The following APBB2 variants were observed in gnomAD, a reference collection of about 807,000 sequenced individuals.
The protein encoded by APBB2 is Fe65-like 1.
Under a neutral mutation model 82.5 loss-of-function variants are expected in APBB2, and 38 were observed. The ratio of observed to expected loss-of-function variants is 0.46; its 90% confidence interval spans 0.36 to 0.60. APBB2 has a LOEUF of 0.60. APBB2 is among the 20% of genes least tolerant of loss of function. The pLI, the probability that APBB2 is intolerant of heterozygous loss-of-function variation, is 0.00. For missense variants in APBB2, 772 were observed against 972.3 expected (o/e 0.79, Z 2.74); for synonymous variants, 341 against 368.2 (o/e 0.93, Z 0.85).
intron 6 of APBB2, among the ~76,000 whole-genome samples, chr4:40,960,736 C>T (rs752871600): frequency 7.2e-5 from 11 of 152,028 alleles, no homozygotes; most frequent in Non-Finnish European, 1.5e-4. Context: ...TGTGAGCCAC[C>T]GTGCCCCGCC....
intron 1 of APBB2, among the ~76,000 whole-genome samples, chr4:41,196,158 C>CAAA: frequency 1.4e-5 from 2 of 143,836 alleles, no homozygotes; most frequent in African/African-American, 5.1e-5. Flanking sequence ...GACTCCGTCT[C>CAAA]AAAAAAAAAA....
At chr4:41,027,269 G>C (rs1309421585) in intron 5 of APBB2, among the ~76,000 whole-genome samples, 1 of 151,290 alleles carries the variant, frequency 6.6e-6, no homozygotes, top group African/African-American at 2.4e-5. Flanking sequence ...ATTTTCAATT[G>C]TCTTGGGTGT....
chr4:40,948,262 C>T (rs1228590513), intron 6 of APBB2, among the ~76,000 whole-genome samples: 1 of 152,148 alleles, frequency 6.6e-6, no homozygotes, highest in African/African-American at 2.4e-5. Flanking sequence ...ACCTTCATAG[C>T]CCAATCTGCT....
At chr4:40,976,236 ATTAT>A (rs1797140325) in intron 6 of APBB2, among the ~76,000 whole-genome samples, 1 of 152,204 alleles carries the variant, frequency 6.6e-6, no homozygotes, top group Non-Finnish European at 1.5e-5. Context: ...ATTTCAAATT[ATTAT>A]TTAGACATGA....
chr4:40,989,415 A>C (rs1352908554), intron 6 of APBB2, among the ~76,000 whole-genome samples: 1 of 152,146 alleles, frequency 6.6e-6, no homozygotes. Context: ...TGCCTCCCAA[A>C]ATTATGGGCT....
At chr4:40,920,883 A>C (rs1463428777) in intron 10 of APBB2, among the ~76,000 whole-genome samples, 1 of 151,720 alleles carries the variant, frequency 6.6e-6, no homozygotes, top group Non-Finnish European at 1.5e-5. Context: ...TAAACACAAA[A>C]CAAAAAACAA....
chr4:41,081,795 G>C (rs1354695938), intron 3 of APBB2, among the ~76,000 whole-genome samples: 1 of 152,134 alleles, frequency 6.6e-6, no homozygotes, highest in Non-Finnish European at 1.5e-5. Context: ...AAACAAATAT[G>C]ACAAGACAGA....
intron 2 of APBB2, among the ~76,000 whole-genome samples, chr4:41,102,791 G>A (rs914272652): frequency 1.3e-5 from 2 of 152,152 alleles, no homozygotes; most frequent in East Asian, 1.9e-4. Flanking sequence ...GGACTTTTTC[G>A]AGTTGAAGTA....
chr4:41,088,459 G>A (rs755028147), intron 3 of APBB2, among the ~76,000 whole-genome samples: 2 of 152,192 alleles, frequency 1.3e-5, no homozygotes, highest in Non-Finnish European at 2.9e-5. Context: ...GCAGCCCTGT[G>A]GAAAGGGGTT....
intron 7 of APBB2, among the ~76,000 whole-genome samples, chr4:40,940,031 C>A (rs750705339): frequency 1.3e-5 from 2 of 152,158 alleles, no homozygotes; most frequent in Non-Finnish European, 2.9e-5. Context: ...GGCTATGCAG[C>A]TGATTTATTT....
At chr4:40,966,290 T>A (rs914863942) in intron 6 of APBB2, among the ~76,000 whole-genome samples, 2 of 152,234 alleles carry the variant, frequency 1.3e-5, no homozygotes, top group Non-Finnish European at 2.9e-5. Context: ...GCCACACTCT[T>A]TTATGACAAG....
intron 1 of APBB2, among the ~76,000 whole-genome samples, chr4:41,191,006 C>T (rs78852050): frequency 0.02 from 3,054 of 152,272 alleles, 51 homozygotes; most frequent in Non-Finnish European, 0.032. Flanking sequence ...TGCTTTGAGA[C>T]CCAACCTGAT....
chr4:41,030,940 T>C (rs1313393924), intron 5 of APBB2, among the ~76,000 whole-genome samples: 1 of 152,048 alleles, frequency 6.6e-6, no homozygotes, highest in Non-Finnish European at 1.5e-5. Flanking sequence ...TTCTGGTATG[T>C]TTGGCAGGGC....
chr4:41,179,674 G>A (rs2154061551), intron 1 of APBB2, among the ~76,000 whole-genome samples: 1 of 152,274 alleles, frequency 6.6e-6, no homozygotes, highest in Middle Eastern at 3.4e-3. Context: ...GCTGGTACAA[G>A]AAATGTAATG....
At chr4:41,192,385 A>G (rs1774700212) in intron 1 of APBB2, among the ~76,000 whole-genome samples, 1 of 152,196 alleles carries the variant, frequency 6.6e-6, no homozygotes, top group African/African-American at 2.4e-5. Flanking sequence ...TACGGAAACA[A>G]CCTAAGTGTC....
intron 6 of APBB2, among the ~76,000 whole-genome samples, chr4:41,009,456 G>T (rs1807708252): frequency 1.3e-5 from 2 of 152,148 alleles, no homozygotes; most frequent in Admixed American, 6.5e-5. Flanking sequence ...TGTACAAAAA[G>T]AAGTTACTAA....
At chr4:40,838,557 G>A (rs946907666) in intron 12 of APBB2, among the ~76,000 whole-genome samples, 5 of 152,052 alleles carry the variant, frequency 3.3e-5, no homozygotes, top group Non-Finnish European at 7.4e-5. Context: ...GTATGGTCTC[G>A]ATCTCCTGAC....
chr4:41,148,478 G>A (rs1239771105), intron 1 of APBB2, among the ~76,000 whole-genome samples: 1 of 152,256 alleles, frequency 6.6e-6, no homozygotes, highest in Admixed American at 6.5e-5. Context: ...AAACTATAAA[G>A]CACTATATTC....
chr4:40,812,767 G>C lies in APBB2; in HGVS notation c.*3325C>G, dbSNP rs923813543. 19 of 152,290 alleles carry C rather than the reference G, an allele frequency of 1.2e-4. No individual in the cohort carries two copies. The highest frequency in any genetic ancestry group is 9.8e-4 in the Admixed American group (15 of 15,300). 9.4% of individuals were successfully genotyped at this position (152,290 alleles called of 1,614,324 possible). A position where few individuals can be genotyped will look rare whatever the true frequency, so the allele number is the denominator to read the frequency against. ...CATAAAGTGGATTTAAAAAGAAGTA[G>C]CAGTGCCACAGTTTATCACCAAGAA... On this transcript the variant is annotated 3_prime_UTR_variant, in exon 18 of 18. Transcript: ENST00000508593.
Sources: allele counts gnomAD v4.1 joint callset (sites outside exome capture counted in the v4.1 genomes callset), GRCh38; gene constraint gnomAD v4.1.1; transcripts MANE v1.5; gene names NCBI Gene and HGNC (gene_info 2026-07-23, HGNC 2026-07-21).